EVI5: variants seen among roughly 807,000 people sequenced by gnomAD.
EVI5 encodes ecotropic viral integration site 5 protein homolog.
A neutral mutation model predicts 112.0 loss-of-function variants in EVI5; 73 were observed. That is an observed-to-expected ratio of 0.65 (90% CI 0.54 to 0.79). The LOEUF (loss-of-function observed/expected upper bound fraction) is 0.79, where lower values mean the gene tolerates loss of function less well. Among genes scored for constraint, EVI5 ranks in the 30% least tolerant of loss-of-function variants. The pLI is 0.00. For synonymous variants in EVI5, 305 were observed against 319.9 expected (o/e 0.95, Z 0.50); for missense variants, 900 against 968.8 (o/e 0.93, Z 0.94).
chr1:92,766,553 T>A (rs1325695872), intron 1 of EVI5, among the ~76,000 whole-genome samples: 4 of 152,208 alleles, frequency 2.6e-5, no homozygotes, highest in Non-Finnish European at 5.9e-5. Context: ...TACCACTGTT[T>A]TGAAAAATCC....
chr1:92,787,457 C>G (rs1407051717), upstream of EVI5, among the ~76,000 whole-genome samples: 2 of 152,252 alleles, frequency 1.3e-5, no homozygotes, highest in East Asian at 3.9e-4. Flanking sequence ...CTGAGCCAAG[C>G]ACGGTGGCTC....
chr1:92,573,124 C>T (rs1670563482), intron 18 of EVI5, among the ~76,000 whole-genome samples: 1 of 151,946 alleles, frequency 6.6e-6, no homozygotes, highest in African/African-American at 2.4e-5. Context: ...GAACAACATA[C>T]CCTAGAAAAT....
intron 1 of EVI5, among the ~76,000 whole-genome samples, chr1:92,791,147 C>G (rs1686065239): frequency 6.6e-6 from 1 of 152,200 alleles, no homozygotes; most frequent in South Asian, 2.1e-4. Flanking sequence ...AGCCTACCCA[C>G]CAAAAGGAGA....
intron 1 of EVI5, among the ~76,000 whole-genome samples, chr1:92,744,427 G>A (rs1339414971): frequency 6.6e-6 from 1 of 152,090 alleles, no homozygotes; most frequent in Admixed American, 6.5e-5. Context: ...TAGTGAATTT[G>A]TCTATTACTC....
intron 1 of EVI5, among the ~76,000 whole-genome samples, chr1:92,741,391 C>T (rs1487277662): frequency 1.3e-5 from 2 of 152,146 alleles, no homozygotes; most frequent in Non-Finnish European, 2.9e-5. Context: ...CTGAGAGATA[C>T]AGAAATAAGA....
At chr1:92,753,440 T>C (rs929498348) in intron 1 of EVI5, among the ~76,000 whole-genome samples, 9 of 152,194 alleles carry the variant, frequency 5.9e-5, no homozygotes, top group African/African-American at 2.2e-4. Context: ...AGCTATATTC[T>C]AAAAAGTAAA....
At chr1:92,768,443 G>C (rs1427273926) in intron 1 of EVI5, among the ~76,000 whole-genome samples, 1 of 152,142 alleles carries the variant, frequency 6.6e-6, no homozygotes, top group Non-Finnish European at 1.5e-5. Flanking sequence ...CCTGCCATAG[G>C]CAAGTAGGTA....
chr1:92,546,636 C>T (rs1035752107), intron 19 of EVI5, among the ~76,000 whole-genome samples: 7 of 152,048 alleles, frequency 4.6e-5, no homozygotes, highest in Non-Finnish European at 8.8e-5. Flanking sequence ...GCGGAGGTTG[C>T]AGTGAGCCGA....
chr1:92,592,625 C>A (rs184772690), intron 18 of EVI5, among the ~76,000 whole-genome samples: 138 of 152,260 alleles, frequency 9.1e-4, no homozygotes, highest in Admixed American at 3.6e-3. Flanking sequence ...ATCAATGAAT[C>A]CAGGAGCTGC....
At chr1:92,587,758 C>T (rs895976512) in intron 18 of EVI5, among the ~76,000 whole-genome samples, 3 of 151,910 alleles carry the variant, frequency 2.0e-5, no homozygotes, top group African/African-American at 4.8e-5. Context: ...AGGAAAAAAA[C>T]CAAAAGTTGG....
chr1:92,663,299 A>G (rs141808692), intron 12 of EVI5, 121 bp downstream of exon 12: 2 of 477,324 alleles, frequency 4.2e-6, no homozygotes, highest in South Asian at 4.6e-5. Flanking sequence ...CACCCAAAAA[A>G]TTATTTCTAG....
intron 1 of EVI5, among the ~76,000 whole-genome samples, chr1:92,770,602 A>G (rs1683248599): frequency 6.6e-6 from 1 of 151,996 alleles, no homozygotes; most frequent in Non-Finnish European, 1.5e-5. Context: ...CATCCTGGCT[A>G]ACACAGTGAA....
chr1:92,575,403 C>A (rs1356896439), intron 18 of EVI5, among the ~76,000 whole-genome samples: 1 of 152,038 alleles, frequency 6.6e-6, no homozygotes, highest in African/African-American at 2.4e-5. Context: ...CTTAAATTTA[C>A]AGTAAGTCCA....
upstream of EVI5, among the ~76,000 whole-genome samples, chr1:92,786,349 T>C (rs568650517): frequency 6.6e-6 from 1 of 152,222 alleles, no homozygotes; most frequent in East Asian, 1.9e-4. Context: ...ACTTGAACTT[T>C]TATCTGAGGC....
At position 92,738,399 on chromosome 1, in the gene EVI5, AT is replaced by A. The variant is rs373916147; in HGVS notation, c.-81-1773del. On this transcript the variant is annotated intron_variant, in intron 1 of 19. Coordinates refer to ENST00000684568, the MANE Select transcript of EVI5 (RefSeq NM_001350197.2). ...CCTAATGTATAAAATTTATAAAAAA[AT>A]GGTACACTTTACCAATAATTTCAAA... Among the ~76,000 whole-genome samples, 147 of 152,328 alleles carry A rather than the reference AT, an allele frequency of 9.7e-4. 2 individuals are homozygous for A. The East Asian group carries it at 0.02, about 21-fold the overall frequency.
chr1:92,537,468 C>T (rs1225624107), intron 19 of EVI5, among the ~76,000 whole-genome samples: 1 of 152,058 alleles, frequency 6.6e-6, no homozygotes, highest in Non-Finnish European at 1.5e-5. Context: ...GTTCTAGAGG[C>T]TTTACTTTTT....
chr1:92,722,121 C>T (rs1232730429), intron 2 of EVI5, among the ~76,000 whole-genome samples: 1 of 152,044 alleles, frequency 6.6e-6, no homozygotes, highest in African/African-American at 2.4e-5. Context: ...ATGGCTAAAT[C>T]AAGCTAATTC....
At chr1:92,533,585 C>T (rs1302785456) in intron 19 of EVI5, among the ~76,000 whole-genome samples, 4 of 152,088 alleles carry the variant, frequency 2.6e-5, no homozygotes, top group Admixed American at 1.3e-4. Context: ...TTATCCACCA[C>T]GATCAAGTCA....
intron 2 of EVI5, among the ~76,000 whole-genome samples, chr1:92,725,911 C>G (rs1016697281): frequency 2.0e-5 from 3 of 152,104 alleles, no homozygotes; most frequent in Admixed American, 6.6e-5. Flanking sequence ...TTAAAAAACA[C>G]TCAGCTCTAG....
Sources: allele counts gnomAD v4.1 joint callset (sites outside exome capture counted in the v4.1 genomes callset), GRCh38; gene constraint gnomAD v4.1.1; transcripts MANE v1.5; gene names NCBI Gene and HGNC (gene_info 2026-07-23, HGNC 2026-07-21).